PJA2: variants seen among roughly 807,000 people sequenced by gnomAD.
The protein encoded by PJA2 is E3 ubiquitin-protein ligase Praja-2.
PJA2 carries 25 observed loss-of-function variants against 69.3 expected under a neutral mutation model. That is an observed-to-expected ratio of 0.36 (90% confidence interval 0.26 to 0.50). The LOEUF is 0.50. Ranked by LOEUF, PJA2 falls within the 20% of genes least tolerant of loss-of-function variation. PJA2 has a pLI of 0.96. For missense variants in PJA2, 809 were observed against 830.2 expected, an observed-to-expected ratio of 0.97 and a Z score of 0.31; for synonymous variants, 308 against 277.8, an observed-to-expected ratio of 1.11 and a Z score of -1.08.
chr5:109,383,849 C>T (rs540229811), intron 1 of PJA2, among the ~76,000 whole-genome samples: 15 of 152,092 alleles, frequency 9.9e-5, no homozygotes, highest in Non-Finnish European at 1.6e-4. Flanking sequence ...ATTGCTTGAG[C>T]CCAGGAGGTG....
At chr5:109,373,884 G>T (rs1055533333) in intron 4 of PJA2, among the ~76,000 whole-genome samples, 1 of 152,156 alleles carries the variant, frequency 6.6e-6, no homozygotes, top group Non-Finnish European at 1.5e-5. Flanking sequence ...GCAGAAATAA[G>T]CTATGGAAAC....
At position 109,378,420 on chromosome 5, in the gene PJA2, C is replaced by A. The variant is rs1746950168; in HGVS notation, c.1067G>T (p.Gly356Val). Reference protein sequence around the residue: ...WREALEVEESGSDDLLIKCEE... With the variant: ...WREALEVEESVSDDLLIKCEE... ...ACATTTTATTAAGAGGTCATCTGAG[C>A]CACTTTCCTCAACTTCCAAAGCCTC... The change falls in exon 4 of 10, where the codon GGC becomes GTC. Residue 356 changes from glycine (G) to valine (V), a missense_variant. By Grantham distance (109) the Gly-to-Val change is moderately radical. Around this residue, in one of 4 missense-constraint regions of PJA2, gnomAD observed 700 missense variants for 639.5 expected, o/e 1.09. Coordinates refer to ENST00000361189, the MANE Select transcript of PJA2 (RefSeq NM_014819.5). 1 of 1,614,004 alleles carries A rather than the reference C, an allele frequency of 6.2e-7. No homozygotes were observed. Among genetic ancestry groups the A allele is most frequent in the African/African-American group, 1.3e-5 (1 of 74,922 alleles).
At chr5:109,344,511 A>T (rs1762141555) in intron 8 of PJA2, among the ~76,000 whole-genome samples, 194 bp downstream of exon 8, 1 of 152,240 alleles carries the variant, frequency 6.6e-6, no homozygotes, top group Non-Finnish European at 1.5e-5. Context: ...CTGACAGAGG[A>T]ACATTTGTCT....
intron 7 of PJA2, among the ~76,000 whole-genome samples, chr5:109,353,172 A>C (rs1223518068): frequency 1.1e-4 from 6 of 56,150 alleles, no homozygotes; most frequent in African/African-American, 6.6e-4. Flanking sequence ...GATATCTATA[A>C]TATCTATAGA....
intron 9 of PJA2, among the ~76,000 whole-genome samples, chr5:109,341,978 GC>G (rs1762073505): frequency 1.6e-5 from 2 of 122,600 alleles, no homozygotes; most frequent in Non-Finnish European, 3.7e-5. Flanking sequence ...TGCCCGGCCA[GC>G]CGCCCCGTCC....
chr5:109,370,030 CTCA>C (rs1762650535), intron 4 of PJA2, among the ~76,000 whole-genome samples: 1 of 115,774 alleles, frequency 8.6e-6, no homozygotes, highest in Non-Finnish European at 1.7e-5. Flanking sequence ...GAAACTCCCT[CTCA>C]AAAAAAAAAA....
chr5:109,339,960 G>C lies in PJA2; in HGVS notation c.2002-2604C>G, dbSNP rs116198500. Among the ~76,000 whole-genome samples, 752 of 152,290 alleles carry C rather than the reference G, an allele frequency of 4.9e-3. 9 individuals are homozygous for C. Among genetic ancestry groups the C allele is most frequent in the African/African-American group, 0.016 (650 of 41,566 alleles). ...GAGAAGGGAGAGAGCAAGGAAAGCAGTATTTTAAAACTAATTCAGAATCCA... is the reference window on the plus strand; with the variant it reads ...GAGAAGGGAGAGAGCAAGGAAAGCACTATTTTAAAACTAATTCAGAATCCA... On this transcript the variant is annotated intron_variant, in intron 9 of 9. Coordinates refer to ENST00000361189, the MANE Select transcript of PJA2 (RefSeq NM_014819.5).
chr5:109,347,090 G>A (rs1762182982), intron 7 of PJA2, among the ~76,000 whole-genome samples: 1 of 152,100 alleles, frequency 6.6e-6, no homozygotes, highest in Non-Finnish European at 1.5e-5. Context: ...AAAGGAAAAA[G>A]CAAAACGGTT....
At chr5:109,391,097 T>C (rs1461321109) in intron 1 of PJA2, among the ~76,000 whole-genome samples, 4 of 152,172 alleles carry the variant, frequency 2.6e-5, no homozygotes, top group African/African-American at 9.7e-5. Flanking sequence ...AAACCCATTG[T>C]AAAGTTGAAA....
At chr5:109,362,731 C>T (rs1762522608) in intron 6 of PJA2, 109 bp downstream of exon 6, 1 of 1,152,956 alleles carries the variant, frequency 8.7e-7, no homozygotes, top group Non-Finnish European at 1.2e-6. Flanking sequence ...GGAGGACTAA[C>T]AGATGGGAAA....
At chr5:109,343,667 T>C (rs1450737248) in intron 9 of PJA2, among the ~76,000 whole-genome samples, 1 of 152,258 alleles carries the variant, frequency 6.6e-6, no homozygotes. Flanking sequence ...TATTATTGTC[T>C]ATATTTTTAG....
At chr5:109,354,471 A>G (rs538170412) in intron 7 of PJA2, among the ~76,000 whole-genome samples, 3 of 93,956 alleles carry the variant, frequency 3.2e-5, no homozygotes, top group East Asian at 2.1e-4. Context: ...ATATCTAGAG[A>G]TATCTATAGA....
intron 7 of PJA2, among the ~76,000 whole-genome samples, chr5:109,351,518 CTAAT>C (rs1231952460): frequency 6.6e-6 from 1 of 151,974 alleles, no homozygotes; most frequent in Non-Finnish European, 1.5e-5. Flanking sequence ...GATAAAATAA[CTAAT>C]ACTACCTAGA....
At chr5:109,386,444 T>C (rs1747159268) in intron 1 of PJA2, among the ~76,000 whole-genome samples, 1 of 152,164 alleles carries the variant, frequency 6.6e-6, no homozygotes, top group Non-Finnish European at 1.5e-5. Flanking sequence ...ACAGAAATCA[T>C]GGAAATCACC....
chr5:109,336,487 A>T lies in PJA2; in HGVS notation c.*744T>A, dbSNP rs2126981469. 6.6e-6 allele frequency: 1 copy of T among 152,200 alleles called. No individual in the cohort carries two copies. The highest frequency in any genetic ancestry group is 1.9e-4 in the East Asian group (1 of 5,188). 9.4% of individuals were successfully genotyped at this position (152,200 alleles called of 1,614,324 possible). The stretch of plus-strand genomic sequence containing the variant: ...ACAGGTTGGGTAAGAGGTTAGAAAG[A>T]GTTTCATAAGGCCATCTAATTCAGC... On this transcript the variant is annotated 3_prime_UTR_variant, in exon 10 of 10. Coordinates refer to ENST00000361189, the MANE Select transcript of PJA2 (RefSeq NM_014819.5).
At chr5:109,373,572 A>G (rs1280853453) in intron 4 of PJA2, among the ~76,000 whole-genome samples, 1 of 152,212 alleles carries the variant, frequency 6.6e-6, no homozygotes, top group Admixed American at 6.5e-5. Context: ...TTTAAGGAGT[A>G]AGCAACAGAA....
At chr5:109,373,456 C>G (rs911935749) in intron 4 of PJA2, among the ~76,000 whole-genome samples, 3 of 152,024 alleles carry the variant, frequency 2.0e-5, no homozygotes, top group African/African-American at 7.2e-5. Context: ...AGAAAATTCA[C>G]ATTTACATAT....
At chr5:109,342,355 C>T (rs1435424777) in intron 9 of PJA2, among the ~76,000 whole-genome samples, 22 of 118,514 alleles carry the variant, frequency 1.9e-4, no homozygotes, top group African/African-American at 6.7e-4. Flanking sequence ...CCCGGCCAGC[C>T]GCCCCGTCCG....
intron 5 of PJA2, among the ~76,000 whole-genome samples, chr5:109,366,499 A>G: frequency 6.6e-6 from 1 of 152,218 alleles, no homozygotes; most frequent in Non-Finnish European, 1.5e-5. Flanking sequence ...ACTCAGCTCA[A>G]AAGTCAATTC....
Sources: allele counts gnomAD v4.1 joint callset (sites outside exome capture counted in the v4.1 genomes callset), GRCh38; gene constraint gnomAD v4.1.1; regional missense constraint gnomAD v4.1.1; transcripts MANE v1.5; gene names NCBI Gene and HGNC (gene_info 2026-07-23, HGNC 2026-07-21).